CAMKMT: variants seen among roughly 807,000 people sequenced by gnomAD.
The protein encoded by CAMKMT is CaM KMT.
CAMKMT carries 53 observed loss-of-function variants against 48.0 expected under a neutral mutation model. The ratio of observed to expected loss-of-function variants is 1.10; its 90% CI spans 0.89 to 1.39. The LOEUF (loss-of-function observed/expected upper bound fraction) is 1.39, where lower values mean the gene tolerates loss of function less well. CAMKMT is among the 40% of genes most tolerant of loss of function. CAMKMT has a pLI of 0.00. For synonymous variants in CAMKMT, 165 were observed against 152.3 expected (o/e 1.08, Z -0.61); for missense variants, 428 against 402.7 (o/e 1.06, Z -0.54).
intron 3 of CAMKMT, among the ~76,000 whole-genome samples, chr2:44,533,806 A>G (rs747760003): frequency 6.6e-6 from 1 of 152,222 alleles, no homozygotes; most frequent in Admixed American, 6.5e-5. Context: ...ATGATAAACA[A>G]TAAGAGATGA....
chr2:44,529,166 CA>C (rs1472070023), intron 3 of CAMKMT, among the ~76,000 whole-genome samples: 1 of 152,142 alleles, frequency 6.6e-6, no homozygotes, highest in Non-Finnish European at 1.5e-5. Context: ...TAGCATCCTC[CA>C]AAGGAGACCA....
rs3083440 is a variant in CAMKMT at position 44,614,936 on chromosome 2, C to CTTTTTTTTTT, written c.377-89332_377-89323dup. The stretch of plus-strand genomic sequence containing the variant: ...TCTAACCAGCTCTTTGGTCTCCTTG[C>CTTTTTTTTTT]TTTTTTTTTTTTTTTTTTTTTTTTG... On this transcript the variant is annotated intron_variant, in intron 3 of 10. Transcript: ENST00000378494. Among the ~76,000 whole-genome samples the CTTTTTTTTTT allele has an allele frequency of 7.4e-3, 362 of 48,992 alleles. 67 individuals are homozygous for CTTTTTTTTTT. Among genetic ancestry groups the CTTTTTTTTTT allele is most frequent in the Non-Finnish European group, 7.7e-3 (232 of 29,972 alleles). The allele number at this position is 48,992 out of a possible 152,430, so 32.1% of individuals were successfully genotyped here.
intron 3 of CAMKMT, among the ~76,000 whole-genome samples, chr2:44,425,331 A>G (rs1344645385): frequency 6.6e-6 from 1 of 152,192 alleles, no homozygotes; most frequent in Non-Finnish European, 1.5e-5. Context: ...ACTAACCATT[A>G]TTATAACAAC....
chr2:44,471,923 C>T (rs929502506), intron 3 of CAMKMT, among the ~76,000 whole-genome samples: 3 of 151,932 alleles, frequency 2.0e-5, no homozygotes, highest in South Asian at 2.1e-4. Context: ...TCAAGTGATC[C>T]ACCTGCCTGG....
chr2:44,367,020 C>T (rs561929577), intron 1 of CAMKMT, among the ~76,000 whole-genome samples: 13 of 152,136 alleles, frequency 8.5e-5, no homozygotes, highest in Non-Finnish European at 1.5e-4. Context: ...CCACCATGCC[C>T]GGCCTGTTGC....
At chr2:44,601,782 C>G in intron 3 of CAMKMT, among the ~76,000 whole-genome samples, 1 of 151,134 alleles carries the variant, frequency 6.6e-6, no homozygotes, top group Non-Finnish European at 1.5e-5. Context: ...TAAACATTTC[C>G]TCTCAATTCT....
intron 3 of CAMKMT, among the ~76,000 whole-genome samples, chr2:44,642,063 ATTTG>A (rs2104003669): frequency 6.6e-6 from 1 of 152,266 alleles, no homozygotes; most frequent in African/African-American, 2.4e-5. Context: ...CTCTTACCTT[ATTTG>A]TTTGTATTTT....
chr2:44,405,979 A>T (rs1354282683), intron 3 of CAMKMT, among the ~76,000 whole-genome samples: 2 of 152,178 alleles, frequency 1.3e-5, no homozygotes, highest in Admixed American at 6.5e-5. Flanking sequence ...AACTGAACCA[A>T]TCAATTTCAT....
chr2:44,625,994 C>G (rs184384524), intron 3 of CAMKMT, among the ~76,000 whole-genome samples: 7 of 152,124 alleles, frequency 4.6e-5, no homozygotes, highest in Admixed American at 4.6e-4. Context: ...TATTTTAGGT[C>G]CTTTGTATTT....
intron 3 of CAMKMT, among the ~76,000 whole-genome samples, chr2:44,575,549 A>G (rs979749260): frequency 6.6e-6 from 1 of 152,126 alleles, no homozygotes; most frequent in African/African-American, 2.4e-5. Context: ...ATCTTGTTCA[A>G]TATTCAATCA....
chr2:44,715,032 A>G (rs1329624621), intron 6 of CAMKMT, among the ~76,000 whole-genome samples: 1 of 151,922 alleles, frequency 6.6e-6, no homozygotes, highest in Non-Finnish European at 1.5e-5. Context: ...ATCTCTACTA[A>G]AGATACAAAA....
At chr2:44,473,435 A>C (rs903371084) in intron 3 of CAMKMT, among the ~76,000 whole-genome samples, 2 of 152,206 alleles carry the variant, frequency 1.3e-5, no homozygotes, top group Admixed American at 1.3e-4. Context: ...TGAGTGCCAG[A>C]ATTTTTTTTA....
intron 3 of CAMKMT, among the ~76,000 whole-genome samples, chr2:44,409,098 T>TTGCTAC (rs1410872005): frequency 1.5e-3 from 2 of 1,306 alleles, no homozygotes; most frequent in African/African-American, 4.5e-3. Flanking sequence ...TATATATATA[T>TTGCTAC]ATATATATAT....
At chr2:44,590,072 A>G (rs1670169220) in intron 3 of CAMKMT, among the ~76,000 whole-genome samples, 1 of 151,402 alleles carries the variant, frequency 6.6e-6, no homozygotes, top group Non-Finnish European at 1.5e-5. Flanking sequence ...ATGGACGGTC[A>G]TGTTGTCTGC....
At chr2:44,450,583 C>A (rs1237306598) in intron 3 of CAMKMT, among the ~76,000 whole-genome samples, 3 of 151,900 alleles carry the variant, frequency 2.0e-5, no homozygotes, top group Admixed American at 6.6e-5. Flanking sequence ...ACACTTTCAC[C>A]CATATATTTT....
intron 3 of CAMKMT, among the ~76,000 whole-genome samples, chr2:44,549,988 T>C (rs1667619889): frequency 6.6e-6 from 1 of 152,198 alleles, no homozygotes. Context: ...TATTAAAATG[T>C]GGGCAGGGAA....
Position 44,542,023 on chromosome 2 carries a change from G to A in CAMKMT, c.376+151718G>A, listed in dbSNP as rs866255421. Among the ~76,000 whole-genome samples the A allele has an allele frequency of 3.9e-5, 6 of 152,044 alleles. No individual in the cohort carries two copies. The Middle Eastern group carries it at 0.017, about 431-fold the overall frequency. ...CGCGCCTGTAAATCCCAGCTACTTG[G>A]GAGGCTGAGGCAGGAGAATCGCTTG... On this transcript the variant is annotated intron_variant, in intron 3 of 10. Transcript: ENST00000378494.
At chr2:44,726,776 T>C (rs944897022) in intron 7 of CAMKMT, among the ~76,000 whole-genome samples, 1 of 152,324 alleles carries the variant, frequency 6.6e-6, no homozygotes, top group African/African-American at 2.4e-5. Flanking sequence ...CCGTAATCCA[T>C]TTTGATTTAA....
At chr2:44,476,285 G>A (rs1026160428) in intron 3 of CAMKMT, among the ~76,000 whole-genome samples, 9 of 151,982 alleles carry the variant, frequency 5.9e-5, no homozygotes, top group Non-Finnish European at 1.0e-4. Context: ...AAAAGTAGTA[G>A]GAGATTATTA....
Sources: gnomAD v4.1 joint callset for allele counts (sites outside exome capture counted in the v4.1 genomes callset) on GRCh38, gnomAD v4.1.1 for gene constraint, MANE v1.5 for transcripts, NCBI Gene and HGNC (gene_info 2026-07-23, HGNC 2026-07-21) for gene names.